TRIM44: variants seen among roughly 807,000 people sequenced by gnomAD.
TRIM44 encodes tripartite motif containing 44.
A neutral mutation model predicts 37.4 loss-of-function variants in TRIM44; 13 were observed. The observed-to-expected ratio is 0.35, with a 90% CI of 0.23 to 0.55. The LOEUF is 0.55. TRIM44 is among the 20% of genes least tolerant of loss of function. The probability of loss-of-function intolerance (pLI) is 0.89; values close to 1 mark genes in which losing one functional copy is unlikely to be tolerated. For synonymous variants in TRIM44, 175 were observed against 157.2 expected (o/e 1.11, Z -0.85); for missense variants, 426 against 437.2 (o/e 0.97, Z 0.23).
chr11:35,764,746 C>T (rs1404079395), intron 4 of TRIM44, among the ~76,000 whole-genome samples: 6 of 152,114 alleles, frequency 3.9e-5, no homozygotes, highest in Non-Finnish European at 8.8e-5. Context: ...AGCTGAGTGG[C>T]CATCAACCAG....
intron 2 of TRIM44, among the ~76,000 whole-genome samples, chr11:35,724,799 T>C (rs140396637): frequency 3.3e-3 from 508 of 152,290 alleles, no homozygotes; most frequent in Admixed American, 5.6e-3. Context: ...TTGGCAAGGG[T>C]GTAGGAAAAT....
intron 1 of TRIM44, 84 bp downstream of exon 1, chr11:35,663,864 G>A (rs2135479526): frequency 7.5e-6 from 11 of 1,460,576 alleles, no homozygotes; most frequent in South Asian, 5.4e-5. Flanking sequence ...GACCACATTC[G>A]CTTTCACTGT....
chr11:35,788,365 A>G (rs546680522), intron 4 of TRIM44, among the ~76,000 whole-genome samples: 34 of 152,316 alleles, frequency 2.2e-4, no homozygotes, highest in Admixed American at 1.2e-3. Flanking sequence ...CAGAGATTCA[A>G]GGATTATCTG....
chr11:35,760,450 G>A (rs1852708873), intron 4 of TRIM44, among the ~76,000 whole-genome samples: 1 of 152,216 alleles, frequency 6.6e-6, no homozygotes, highest in South Asian at 2.1e-4. Flanking sequence ...TCCCAGGTGA[G>A]GCGATGCCTC....
chr11:35,787,601 A>G (rs1017137240), intron 4 of TRIM44, among the ~76,000 whole-genome samples: 2 of 152,192 alleles, frequency 1.3e-5, no homozygotes, highest in African/African-American at 2.4e-5. Flanking sequence ...TCCTTTTACA[A>G]ATCTTCTTAG....
chr11:35,776,016 T>G (rs915309854), intron 4 of TRIM44, among the ~76,000 whole-genome samples: 1 of 152,258 alleles, frequency 6.6e-6, no homozygotes, highest in East Asian at 1.9e-4. Context: ...CCTCTCTTTT[T>G]ATTGATTGGA....
chr11:35,725,777 G>T (rs745878259), intron 2 of TRIM44, 147 bp from the exon 3 acceptor site: 7 of 767,736 alleles, frequency 9.1e-6, no homozygotes, highest in Non-Finnish European at 1.4e-5. Context: ...TGATATTAGG[G>T]GAACATTGTT....
At chr11:35,742,013 C>G (rs910017979) in intron 4 of TRIM44, among the ~76,000 whole-genome samples, 8 of 152,112 alleles carry the variant, frequency 5.3e-5, no homozygotes, top group African/African-American at 1.9e-4. Context: ...TCACCGCAGC[C>G]TCAACCTCCC....
chr11:35,799,974 A>G (rs1361658534), intron 4 of TRIM44, among the ~76,000 whole-genome samples: 1 of 152,226 alleles, frequency 6.6e-6, no homozygotes, highest in Non-Finnish European at 1.5e-5. Flanking sequence ...ACTTTTGCTC[A>G]TGGCAGAGCT....
intron 1 of TRIM44, among the ~76,000 whole-genome samples, chr11:35,664,727 T>A (rs925928065): frequency 6.6e-6 from 1 of 152,210 alleles, no homozygotes; most frequent in East Asian, 1.9e-4. Flanking sequence ...TCAGAAAGTG[T>A]GTAAAAACTT....
At chr11:35,705,204 A>G (rs1193269614) in intron 2 of TRIM44, among the ~76,000 whole-genome samples, 11 of 151,442 alleles carry the variant, frequency 7.3e-5, no homozygotes, top group African/African-American at 2.2e-4. Flanking sequence ...TTCAACAAGA[A>G]GAGCTAACTA....
intron 4 of TRIM44, among the ~76,000 whole-genome samples, chr11:35,805,149 A>G (rs550252995): frequency 3.3e-4 from 51 of 152,246 alleles, no homozygotes; most frequent in African/African-American, 1.2e-3. Context: ...AGGATTTTAC[A>G]TCTCTTAGAG....
At chr11:35,663,859 C>T (rs971802576) in intron 1 of TRIM44, 79 bp downstream of exon 1, 2 of 1,479,806 alleles carry the variant, frequency 1.4e-6, no homozygotes, top group Non-Finnish European at 1.8e-6. Flanking sequence ...GCTGTGACCA[C>T]ATTCGCTTTC....
intron 1 of TRIM44, among the ~76,000 whole-genome samples, chr11:35,680,615 A>G (rs1369515610): frequency 1.3e-5 from 2 of 152,222 alleles, no homozygotes; most frequent in Non-Finnish European, 1.5e-5. Flanking sequence ...TAGTATTACA[A>G]ACAGTGCTGC....
chr11:35,778,359 A>G lies in TRIM44; in HGVS notation c.1008-27999A>G, dbSNP rs545336816. On this transcript the variant is annotated intron_variant, in intron 4 of 4. Transcript: ENST00000299413. ...ATTTATTCAGTTAGTCATTCATCTA[A>G]CCTTGTTTCAAGGTTTTTAGCTTCT... Among the ~76,000 whole-genome samples the G allele has an allele frequency of 2.6e-5, 4 of 152,014 alleles. No individual in the cohort carries two copies. In the South Asian group the frequency reaches 8.3e-4, roughly 32 times the overall value.
chr11:35,675,913 C>T (rs1851454896), intron 1 of TRIM44, among the ~76,000 whole-genome samples: 1 of 152,078 alleles, frequency 6.6e-6, no homozygotes, highest in South Asian at 2.1e-4. Flanking sequence ...CTGGCCTTAT[C>T]TAGTTGCAAG....
intron 4 of TRIM44, among the ~76,000 whole-genome samples, chr11:35,772,567 G>A (rs1590588703): frequency 6.6e-6 from 1 of 152,210 alleles, no homozygotes; most frequent in African/African-American, 2.4e-5. Flanking sequence ...TGGCATCAAA[G>A]GACATCATTT....
intron 4 of TRIM44, among the ~76,000 whole-genome samples, chr11:35,760,133 G>A (rs112155808): frequency 3.9e-5 from 6 of 152,190 alleles, no homozygotes; most frequent in Admixed American, 3.3e-4. Flanking sequence ...AGCTGTGGTG[G>A]GCTCCACCTA....
chr11:35,701,427 G>A (rs1851787455), intron 2 of TRIM44, among the ~76,000 whole-genome samples: 1 of 151,918 alleles, frequency 6.6e-6, no homozygotes, highest in Non-Finnish European at 1.5e-5. Context: ...TAGGCCAAAT[G>A]ACCAATTTCT....
Sources: allele counts gnomAD v4.1 joint callset (sites outside exome capture counted in the v4.1 genomes callset), GRCh38; gene constraint gnomAD v4.1.1; transcripts MANE v1.5; gene names NCBI Gene and HGNC (gene_info 2026-07-23, HGNC 2026-07-21).